NKAIN3: variants seen among roughly 807,000 people sequenced by gnomAD.
The protein encoded by NKAIN3 is sodium/potassium-transporting ATPase subunit beta-1-interacting protein 3.
Under a neutral mutation model 30.2 loss-of-function variants are expected in NKAIN3, and 25 were observed. That is an observed-to-expected ratio of 0.83 (90% CI 0.60 to 1.16). The LOEUF (loss-of-function observed/expected upper bound fraction) is 1.16, where lower values mean the gene tolerates loss of function less well. Among genes scored for constraint, NKAIN3 ranks in the 50% most tolerant of loss-of-function variants. NKAIN3 has a pLI of 0.00. For missense variants in NKAIN3, 225 were observed against 254.1 expected (o/e 0.89, Z 0.78); for synonymous variants, 91 against 89.6 (o/e 1.02, Z -0.09).
At chr8:62,952,753 T>G (rs1214132677) in intron 5 of NKAIN3, among the ~76,000 whole-genome samples, 1 of 152,236 alleles carries the variant, frequency 6.6e-6, no homozygotes, top group African/African-American at 2.4e-5. Flanking sequence ...AACATTGACA[T>G]ATCTCCTCAC....
chr8:62,441,007 A>G (rs1351475412), intron 1 of NKAIN3, among the ~76,000 whole-genome samples: 1 of 152,114 alleles, frequency 6.6e-6, no homozygotes, highest in Non-Finnish European at 1.5e-5. Context: ...TGAAGGCTTC[A>G]TCTGGTGCTA....
intron 4 of NKAIN3, among the ~76,000 whole-genome samples, chr8:62,820,908 G>A (rs1818827866): frequency 6.6e-6 from 1 of 152,096 alleles, no homozygotes; most frequent in African/African-American, 2.4e-5. Flanking sequence ...CTTTATTTTT[G>A]TTTAATTATC....
intron 5 of NKAIN3, among the ~76,000 whole-genome samples, chr8:62,928,544 G>A (rs893441565): frequency 5.3e-5 from 8 of 152,128 alleles, no homozygotes; most frequent in South Asian, 2.1e-4. Context: ...CACTAAGCCC[G>A]TTTGTTTGTT....
At chr8:62,918,278 CT>C (rs1822168444) in intron 4 of NKAIN3, among the ~76,000 whole-genome samples, 174 bp from the exon 5 acceptor site, 1 of 152,146 alleles carries the variant, frequency 6.6e-6, no homozygotes, top group Admixed American at 6.5e-5. Flanking sequence ...GCTATTAAGG[CT>C]GCATAGAAAT....
intron 4 of NKAIN3, among the ~76,000 whole-genome samples, chr8:62,779,736 T>A (rs1817300222): frequency 6.6e-6 from 1 of 152,124 alleles, no homozygotes; most frequent in Non-Finnish European, 1.5e-5. Flanking sequence ...ATCAACAAAT[T>A]TATAAAGTTC....
intron 1 of NKAIN3, among the ~76,000 whole-genome samples, chr8:62,538,468 C>T (rs961997935): frequency 6.6e-5 from 10 of 152,176 alleles, no homozygotes; most frequent in African/African-American, 2.4e-4. Flanking sequence ...AGCCACCACT[C>T]GCAGCCATAA....
chr8:62,953,095 C>A (rs997778705), intron 5 of NKAIN3, among the ~76,000 whole-genome samples: 2 of 152,070 alleles, frequency 1.3e-5, no homozygotes, highest in Non-Finnish European at 2.9e-5. Flanking sequence ...AAATATACTA[C>A]ACATATCCTC....
chr8:62,497,124 G>GT (rs1807267121), intron 1 of NKAIN3, among the ~76,000 whole-genome samples: 1 of 151,888 alleles, frequency 6.6e-6, no homozygotes, highest in Admixed American at 6.6e-5. Flanking sequence ...TGTTTCTTCT[G>GT]TTTTACAGCT....
chr8:62,609,150 A>G (rs1337441543), intron 3 of NKAIN3, among the ~76,000 whole-genome samples: 1 of 152,090 alleles, frequency 6.6e-6, no homozygotes, highest in Admixed American at 6.5e-5. Flanking sequence ...GAAACTCCCT[A>G]CTTTATTTTT....
At chr8:62,807,887 A>T (rs986757361) in intron 4 of NKAIN3, among the ~76,000 whole-genome samples, 2 of 151,500 alleles carry the variant, frequency 1.3e-5, no homozygotes, top group Admixed American at 6.6e-5. Context: ...AGGTATAAAA[A>T]TGAGATTGTG....
intron 4 of NKAIN3, among the ~76,000 whole-genome samples, chr8:62,748,941 T>C (rs1230954944): frequency 1.3e-5 from 2 of 152,220 alleles, no homozygotes. Flanking sequence ...TACAAAATTG[T>C]GGCAAAATAT....
chr8:62,807,795 A>G (rs184421483), intron 4 of NKAIN3, among the ~76,000 whole-genome samples: 3,355 of 149,126 alleles, frequency 0.022, 125 homozygotes, highest in African/African-American at 0.077. Flanking sequence ...ACATACATAT[A>G]TATATATATA....
chr8:62,748,055 T>C (rs948348074), intron 4 of NKAIN3, among the ~76,000 whole-genome samples: 2 of 152,346 alleles, frequency 1.3e-5, no homozygotes, highest in Admixed American at 1.3e-4. Flanking sequence ...TCTACTACTA[T>C]GTAACAAACC....
intron 1 of NKAIN3, among the ~76,000 whole-genome samples, chr8:62,455,201 C>T (rs1440211697): frequency 1.3e-5 from 2 of 152,196 alleles, no homozygotes; most frequent in African/African-American, 2.4e-5. Context: ...TGATGGCTAG[C>T]TCTGTTCTAC....
intron 4 of NKAIN3, among the ~76,000 whole-genome samples, chr8:62,900,735 T>C (rs1821589443): frequency 6.6e-6 from 1 of 152,190 alleles, no homozygotes; most frequent in Non-Finnish European, 1.5e-5. Context: ...ATTATATCTA[T>C]TTGACAGATT....
intron 4 of NKAIN3, among the ~76,000 whole-genome samples, chr8:62,915,718 G>A (rs564475973): frequency 6.6e-6 from 1 of 151,954 alleles, no homozygotes. Context: ...TTGTTTGCTG[G>A]CAAAAGCCTT....
intron 3 of NKAIN3, among the ~76,000 whole-genome samples, chr8:62,731,219 G>A (rs1170807218): frequency 4.2e-5 from 6 of 141,442 alleles, no homozygotes; most frequent in African/African-American, 1.3e-4. Flanking sequence ...CCATTTCAGT[G>A]GACAGGGATC....
At position 62,976,477 on chromosome 8, in the gene NKAIN3, GTCTGTTTTAC is replaced by G. The variant is rs1823943535; in HGVS notation, c.*11071_*11080del. Among the ~76,000 whole-genome samples the G allele has an allele frequency of 1.3e-5, 2 of 152,076 alleles. No homozygotes were observed. The highest frequency in any genetic ancestry group is 2.9e-5 in the Non-Finnish European group (2 of 68,010). ...CTGTTTTGATTTTTGTTGGCTTAAA[GTCTGTTTTAC>G]CAGAGGCTAAGATTGCAACCCCTGC... On this transcript the variant is annotated 3_prime_UTR_variant, in exon 7 of 7. Coordinates refer to ENST00000623646, the MANE Select transcript of NKAIN3 (RefSeq NM_001304533.3).
intron 1 of NKAIN3, among the ~76,000 whole-genome samples, chr8:62,525,602 G>A (rs1337146546): frequency 6.6e-6 from 1 of 152,090 alleles, no homozygotes; most frequent in Non-Finnish European, 1.5e-5. Context: ...GCACATGCAG[G>A]TGTCTACTTC....
Sources: allele counts gnomAD v4.1 joint callset (sites outside exome capture counted in the v4.1 genomes callset), GRCh38; gene constraint gnomAD v4.1.1; transcripts MANE v1.5; gene names NCBI Gene and HGNC (gene_info 2026-07-23, HGNC 2026-07-21).